Variants in ZEB1 observed in about 807,000 individuals in gnomAD.
ZEB1 encodes the protein zinc finger E-box-binding homeobox 1.
Under a neutral mutation model 84.9 loss-of-function variants are expected in ZEB1, and 21 were observed. That is an observed-to-expected ratio of 0.25 (90% CI 0.18 to 0.36). The LOEUF is 0.36. Among genes scored for constraint, ZEB1 ranks in the 10% least tolerant of loss-of-function variants. The pLI, the probability that ZEB1 is intolerant of heterozygous loss-of-function variation, is 1.00. For missense variants in ZEB1, 1,104 were observed against 1,330.2 expected (o/e 0.83, Z 2.65); for synonymous variants, 420 against 471.1 (o/e 0.89, Z 1.41).
rs879706962 is a variant in ZEB1, at chr10:31,452,724, TGTGTGTGTGTGTGTGTGTGAGA to T, written c.59-8311_59-8290del. On this transcript the variant is annotated intron_variant, in intron 1 of 8. Coordinates refer to ENST00000424869, the MANE Select transcript of ZEB1 (RefSeq NM_001174096.2). ...AAATGTGTGTGTGTGTGTGTGTGTGTGTGTGTGTGTGTGTGTGTGAGAGAGAGAGAGAGAGAGAGAGAGAGAG... is the reference window on the plus strand; with the variant it reads ...AAATGTGTGTGTGTGTGTGTGTGTGTGAGAGAGAGAGAGAGAGAGAGAGAG... 5.0e-3 allele frequency among the ~76,000 whole-genome samples: 604 copies of T among 120,190 alleles called. 7 individuals carry two copies. Among genetic ancestry groups the T allele is most frequent in the African/African-American group, 0.025 (577 of 23,426 alleles). The allele number at this position is 120,190 out of a possible 152,430, so 78.8% of individuals were successfully genotyped here.
chr10:31,469,673 C>T (rs2062932610), intron 2 of ZEB1, among the ~76,000 whole-genome samples: 1 of 152,248 alleles, frequency 6.6e-6, no homozygotes, highest in African/African-American at 2.4e-5. Context: ...CTTAGGTAAA[C>T]AAAGCAGCCC....
At chr10:31,339,748 G>A (rs917151141) in intron 1 of ZEB1, among the ~76,000 whole-genome samples, 4 of 149,640 alleles carry the variant, frequency 2.7e-5, no homozygotes, top group African/African-American at 1.0e-4. Context: ...CAGCGACAGA[G>A]AGAGACTCTG....
intron 1 of ZEB1, among the ~76,000 whole-genome samples, chr10:31,326,414 T>C (rs890159019): frequency 6.6e-6 from 1 of 152,312 alleles, no homozygotes; most frequent in Middle Eastern, 3.4e-3. Context: ...GCTTTTGCTT[T>C]ATTTGGGAGG....
intron 1 of ZEB1, among the ~76,000 whole-genome samples, chr10:31,422,693 T>TG (rs527245649): frequency 1.3e-5 from 2 of 152,110 alleles, no homozygotes; most frequent in African/African-American, 4.8e-5. Flanking sequence ...ATTTTAGAGT[T>TG]GGGGGTACAT....
In ZEB1 at chr10:31,452,736, T is replaced by TGAGAGA. The variant is rs1236506186; in HGVS notation, c.59-8300_59-8299insAGAGAG. ...GTGTGTGTGTGTGTGTGTGTGTGTG[T>TGAGAGA]GTGTGTGAGAGAGAGAGAGAGAGAG... On this transcript the variant is annotated intron_variant, in intron 1 of 8. Transcript: ENST00000424869. 2.1e-4 allele frequency among the ~76,000 whole-genome samples: 24 copies of TGAGAGA among 112,956 alleles called. 1 individual carries two copies. Among genetic ancestry groups the TGAGAGA allele is most frequent in the African/African-American group, 1.0e-3 (21 of 21,000 alleles). 74.1% of individuals were successfully genotyped at this position (112,956 alleles called of 152,430 possible). A position where few individuals can be genotyped will look rare whatever the true frequency, so the allele number is the denominator to read the frequency against.
chr10:31,320,918 C>A (rs994193085), intron 1 of ZEB1, among the ~76,000 whole-genome samples: 2 of 152,162 alleles, frequency 1.3e-5, no homozygotes, highest in African/African-American at 2.4e-5. Context: ...ACGGCCCTGC[C>A]GCCGGCCGCA....
chr10:31,488,906 A>C (rs192274937), intron 2 of ZEB1, among the ~76,000 whole-genome samples: 103 of 151,274 alleles, frequency 6.8e-4, no homozygotes, highest in African/African-American at 2.3e-3. Context: ...GTCTACATGA[A>C]TATTTTGTGT....
chr10:31,361,313 C>G, intron 1 of ZEB1: 1 of 1,202,712 alleles, frequency 8.3e-7, no homozygotes, highest in Non-Finnish European at 1.2e-6. Context: ...CTGCCTCAGC[C>G]TCCTGAGTAG....
At chr10:31,474,810 C>G (rs1427657137) in intron 2 of ZEB1, among the ~76,000 whole-genome samples, 1 of 151,982 alleles carries the variant, frequency 6.6e-6, no homozygotes, top group Non-Finnish European at 1.5e-5. Flanking sequence ...TGGAACCAAC[C>G]CAAATGTCCA....
At chr10:31,469,985 G>C (rs2062986893) in intron 2 of ZEB1, among the ~76,000 whole-genome samples, 2 of 152,114 alleles carry the variant, frequency 1.3e-5, no homozygotes, top group African/African-American at 2.4e-5. Context: ...TACTCCAACA[G>C]ACCTACAGCT....
intron 1 of ZEB1, chr10:31,387,294 C>G (rs748364826): frequency 4.8e-5 from 47 of 985,542 alleles, no homozygotes; most frequent in Non-Finnish European, 5.4e-5. Flanking sequence ...AGTGCACACT[C>G]GTGGGCCCAG....
chr10:31,496,694 GT>G (rs1157258870), intron 3 of ZEB1, among the ~76,000 whole-genome samples: 1 of 152,006 alleles, frequency 6.6e-6, no homozygotes, highest in Non-Finnish European at 1.5e-5. Context: ...CTGTCATATA[GT>G]TTTAATTACA....
intron 1 of ZEB1, among the ~76,000 whole-genome samples, chr10:31,375,516 A>C (rs1435314675): frequency 6.6e-6 from 1 of 151,836 alleles, no homozygotes; most frequent in East Asian, 1.9e-4. Flanking sequence ...TTGCAGATGG[A>C]GGATGATACA....
intron 1 of ZEB1, among the ~76,000 whole-genome samples, chr10:31,383,228 G>C (rs1250900878): frequency 6.6e-6 from 1 of 152,108 alleles, no homozygotes; most frequent in African/African-American, 2.4e-5. Context: ...GAAATATTCT[G>C]TGATTGCACT....
intron 1 of ZEB1, among the ~76,000 whole-genome samples, chr10:31,413,301 G>C (rs969729474): frequency 5.9e-5 from 9 of 152,170 alleles, no homozygotes; most frequent in Non-Finnish European, 1.0e-4. Flanking sequence ...GGGCTTCTTA[G>C]GTAATAAGCC....
chr10:31,455,044 G>T (rs1167011756), intron 1 of ZEB1, among the ~76,000 whole-genome samples: 1 of 152,130 alleles, frequency 6.6e-6, no homozygotes, highest in Non-Finnish European at 1.5e-5. Context: ...AAAACAGCAT[G>T]GTACTGGTAT....
intron 1 of ZEB1, among the ~76,000 whole-genome samples, chr10:31,440,939 C>A (rs2058875576): frequency 6.6e-6 from 1 of 152,308 alleles, no homozygotes; most frequent in Non-Finnish European, 1.5e-5. Context: ...ATTCCATGCT[C>A]ATGGATAGGA....
intron 1 of ZEB1, among the ~76,000 whole-genome samples, chr10:31,350,226 A>G (rs1420511290): frequency 6.6e-6 from 1 of 152,116 alleles, no homozygotes; most frequent in Non-Finnish European, 1.5e-5. Flanking sequence ...TCAATTGACC[A>G]TAAATGTGTG....
At chr10:31,352,344 G>T (rs868541412) in intron 1 of ZEB1, among the ~76,000 whole-genome samples, 1 of 152,192 alleles carries the variant, frequency 6.6e-6, no homozygotes, top group African/African-American at 2.4e-5. Context: ...TATTTCGGTA[G>T]TCACAAAAAA....
Sources: allele counts gnomAD v4.1 joint callset (sites outside exome capture counted in the v4.1 genomes callset), GRCh38; gene constraint gnomAD v4.1.1; transcripts MANE v1.5; gene names NCBI Gene and HGNC (gene_info 2026-07-23, HGNC 2026-07-21).